The following DNAH5 variants were observed in gnomAD, a reference collection of about 807,000 sequenced individuals.
The protein encoded by DNAH5 is axonemal beta dynein heavy chain 5.
DNAH5 carries 372 observed loss-of-function variants against 518.2 expected under a neutral mutation model. The ratio of observed to expected loss-of-function variants is 0.72; its 90% CI spans 0.66 to 0.78. The LOEUF (loss-of-function observed/expected upper bound fraction) is 0.78. DNAH5 is among the 30% of genes least tolerant of loss of function. The pLI is 0.00. For missense variants in DNAH5, 5,523 were observed against 5,687.0 expected (o/e 0.97, Z 0.93); for synonymous variants, 2,039 against 2,025.9 (o/e 1.01, Z -0.17).
At chr5:13,897,265 A>G (rs541538674) in intron 15 of DNAH5, among the ~76,000 whole-genome samples, 3 of 152,180 alleles carry the variant, frequency 2.0e-5, no homozygotes, top group Admixed American at 1.3e-4. Context: ...AGCTACTTAC[A>G]TATTTCCTGA....
rs2151800885 is a variant in DNAH5, at chr5:13,814,864, A to G, written c.6989-18T>C. On this transcript the variant is annotated intron_variant, in intron 42 of 78. Coordinates refer to ENST00000265104, the MANE Select transcript of DNAH5 (RefSeq NM_001369.3). ...ATGTTCCCCTAGAATACCCCACCAA[A>G]GGGAAAAAAAAAATACATACACTCA... The G allele has an allele frequency of 3.1e-6, 5 of 1,612,092 alleles. No homozygotes were observed.
intron 76 of DNAH5, among the ~76,000 whole-genome samples, chr5:13,703,554 A>T (rs570323754): frequency 6.6e-6 from 1 of 152,298 alleles, no homozygotes; most frequent in South Asian, 2.1e-4. Context: ...TTATTATCTT[A>T]TCTCATGACC....
At chr5:13,876,632 C>A in intron 22 of DNAH5, 52 bp downstream of exon 22, 1 of 1,601,370 alleles carries the variant, frequency 6.2e-7, no homozygotes, top group Middle Eastern at 1.7e-4. Context: ...CACTTTCACA[C>A]AAGTGCATGT....
At chr5:13,694,232 G>C (rs1308293508) in intron 78 of DNAH5, among the ~76,000 whole-genome samples, 1 of 152,064 alleles carries the variant, frequency 6.6e-6, no homozygotes, top group Non-Finnish European at 1.5e-5. Context: ...TCAATAAGCA[G>C]GTAAAAATAA....
chr5:13,715,454 T>A lies in DNAH5; in HGVS notation c.12910-834A>T, dbSNP rs911623562. 3.9e-5 allele frequency among the ~76,000 whole-genome samples: 6 copies of A among 152,220 alleles called. No homozygotes were observed. In the East Asian group the frequency reaches 7.7e-4, roughly 20 times the overall value. ...CACTTTTCTTATTCAGTGCTGATGA[T>A]TTAAAGATACATGCAGTACAGTAAA... On this transcript the variant is annotated intron_variant, in intron 74 of 78. Coordinates refer to ENST00000265104, the MANE Select transcript of DNAH5 (RefSeq NM_001369.3).
intron 1 of DNAH5, 82 bp from the exon 2 acceptor site, chr5:13,931,326 G>GT (rs1778398978): frequency 6.4e-7 from 1 of 1,565,096 alleles, no homozygotes. Flanking sequence ...TACAATTGTT[G>GT]TTTTTTCAAG....
rs200762301 is a variant in DNAH5 at position 13,806,801 on chromosome 5, G to GA, written c.7887+789dup. 4.2e-3 allele frequency among the ~76,000 whole-genome samples: 627 copies of GA among 150,190 alleles called. 3 individuals carry two copies. The highest frequency in any genetic ancestry group is 0.014 in the African/African-American group (594 of 41,046). On this transcript the variant is annotated intron_variant, in intron 47 of 78. Coordinates refer to ENST00000265104, the MANE Select transcript of DNAH5 (RefSeq NM_001369.3). ...AGGTCATTCCTGGTGGTTTCATTGGGAAAAAAAAATAAACAACGCAAACTT... is the reference window on the plus strand; with the variant it reads ...AGGTCATTCCTGGTGGTTTCATTGGGAAAAAAAAAATAAACAACGCAAACTT...
At chr5:13,888,237 C>T (rs1458384433) in intron 17 of DNAH5, among the ~76,000 whole-genome samples, 1 of 152,172 alleles carries the variant, frequency 6.6e-6, no homozygotes, top group East Asian at 1.9e-4. Context: ...TCCTCAGAAA[C>T]CAAGCCTACC....
At position 13,849,904 on chromosome 5, in the gene DNAH5, AT is replaced by A. The variant is rs201857606; in HGVS notation, c.5114+747del. Among the ~76,000 whole-genome samples the A allele has an allele frequency of 3.6e-3, 548 of 152,230 alleles. 4 individuals are homozygous for A. Among genetic ancestry groups the A allele is most frequent in the African/African-American group, 0.013 (526 of 41,516 alleles). On this transcript the variant is annotated intron_variant, in intron 31 of 78. Coordinates refer to ENST00000265104, the MANE Select transcript of DNAH5 (RefSeq NM_001369.3). ...AGTATTTAAGCCATCAACTGCATCT[AT>A]GAGGGCAGCCTGGCTTAGATGACCT...
At chr5:13,733,152 T>C (rs1481057655) in intron 68 of DNAH5, among the ~76,000 whole-genome samples, 1 of 152,174 alleles carries the variant, frequency 6.6e-6, no homozygotes, top group East Asian at 1.9e-4. Flanking sequence ...ATAATCCTAC[T>C]ATGTAGATTT....
Position 13,769,485 on chromosome 5 carries a change from G to T in DNAH5, c.9720+16C>A, listed in dbSNP as rs1753016073. ...AATTCAAAAGGAATGTGGCACATGT[G>T]TAAATGCCCACCCACCATGTCGGCT... is the stretch of plus-strand genomic sequence containing the variant. On this transcript the variant is annotated intron_variant, in intron 57 of 78. Transcript: ENST00000265104. The T allele has an allele frequency of 1.9e-6, 3 of 1,603,194 alleles. No homozygotes were observed. The African/African-American group carries it at 4.0e-5, about 21-fold the overall frequency.
intron 55 of DNAH5, 141 bp downstream of exon 55, chr5:13,776,298 T>A (rs1335273265): frequency 3.6e-6 from 4 of 1,108,408 alleles, no homozygotes. Flanking sequence ...ATGCTGTCCA[T>A]GAGATTAAAC....
chr5:13,937,460 C>T (rs1779031249), intron 1 of DNAH5, among the ~76,000 whole-genome samples: 1 of 151,142 alleles, frequency 6.6e-6, no homozygotes, highest in Non-Finnish European at 1.5e-5. Flanking sequence ...TGATAACACC[C>T]TCACCCCATC....
At chr5:13,858,530 C>T (rs957545573) in intron 30 of DNAH5, among the ~76,000 whole-genome samples, 2 of 151,470 alleles carry the variant, frequency 1.3e-5, no homozygotes, top group African/African-American at 4.9e-5. Flanking sequence ...AACAAACCTG[C>T]ACATTCTGCA....
In DNAH5 at chr5:13,922,097, T is replaced by C. The variant is rs750383077; in HGVS notation, c.660+10A>G. On this transcript the variant is annotated intron_variant, in intron 5 of 78. Coordinates refer to ENST00000265104, the MANE Select transcript of DNAH5 (RefSeq NM_001369.3). ...GATCATTTTTAAAGGAACAGCTTATTCGTCCTCACCTTCTCCTTCAGACTC... is the reference window on the plus strand; with the variant it reads ...GATCATTTTTAAAGGAACAGCTTATCCGTCCTCACCTTCTCCTTCAGACTC... 32 of 1,613,490 alleles carry C rather than the reference T, an allele frequency of 2.0e-5. No homozygotes were observed. Among genetic ancestry groups the C allele is most frequent in the Non-Finnish European group, 2.6e-5 (31 of 1,179,726 alleles).
chr5:13,930,457 A>C (rs189283754), intron 2 of DNAH5, among the ~76,000 whole-genome samples: 8 of 152,290 alleles, frequency 5.3e-5, no homozygotes, highest in Non-Finnish European at 8.8e-5. Context: ...CCCTGTCAGC[A>C]AAAAGGGCTT....
At chr5:13,946,200 T>C (rs1779900078), upstream of DNAH5, among the ~76,000 whole-genome samples, 1 of 152,226 alleles carries the variant, frequency 6.6e-6, no homozygotes, top group African/African-American at 2.4e-5. Context: ...TTAGGCACCA[T>C]CCTCATTGCA....
At chr5:13,823,454 G>T (rs1257184754) in intron 39 of DNAH5, 84 bp from the exon 40 acceptor site, 13 of 877,528 alleles carry the variant, frequency 1.5e-5, no homozygotes, top group Non-Finnish European at 2.5e-5. Context: ...GCCCAACACA[G>T]TCCGGGTTAT....
intron 17 of DNAH5, among the ~76,000 whole-genome samples, chr5:13,887,409 A>G (rs1772585207): frequency 6.6e-6 from 1 of 152,226 alleles, no homozygotes; most frequent in Non-Finnish European, 1.5e-5. Context: ...AGGAAAAAGA[A>G]GTAATAAATA....
Sources: allele counts gnomAD v4.1 joint callset (sites outside exome capture counted in the v4.1 genomes callset), GRCh38; gene constraint gnomAD v4.1.1; transcripts MANE v1.5; gene names NCBI Gene and HGNC (gene_info 2026-07-23, HGNC 2026-07-21).